Variants in ENDOV observed in about 807,000 individuals in gnomAD.
The protein encoded by ENDOV is endonuclease V.
In ENDOV, 37 loss-of-function variants were observed where a neutral mutation model predicts 39.4. The ratio of observed to expected loss-of-function variants is 0.94; its 90% CI spans 0.72 to 1.23. The LOEUF is 1.23. Ranked by LOEUF, ENDOV falls within the 50% of genes most tolerant of loss-of-function variation. The pLI, the probability that ENDOV is intolerant of heterozygous loss-of-function variation, is 0.00. For synonymous variants in ENDOV, 186 were observed against 163.4 expected (o/e 1.14, Z -1.05); for missense variants, 441 against 375.7 (o/e 1.17, Z -1.44).
chr17:80,437,174 G>C lies in ENDOV; in HGVS notation c.*1031G>C, dbSNP rs2083619446. On this transcript the variant is annotated 3_prime_UTR_variant, in exon 10 of 10. Coordinates refer to ENST00000518137, the MANE Select transcript of ENDOV (RefSeq NM_173627.5). ...TCCTCCTTGACTCTGCAGATGCTGAGCAGTGATCTGGCTGGGAAAGGGGAC... is the reference window on the plus strand; with the variant it reads ...TCCTCCTTGACTCTGCAGATGCTGACCAGTGATCTGGCTGGGAAAGGGGAC... The C allele has an allele frequency of 6.5e-6, 1 of 152,712 alleles. No individual in the cohort carries two copies. The highest frequency in any genetic ancestry group is 1.5e-5 in the Non-Finnish European group (1 of 68,082). The allele number at this position is 152,712 out of a possible 1,614,324, so 9.5% of individuals were successfully genotyped here.
chr17:80,427,980 T>C, intron 7 of ENDOV: 2 of 979,330 alleles, frequency 2.0e-6, no homozygotes, highest in Non-Finnish European at 2.7e-6. Context: ...TCATCTGAGC[T>C]GGGATCAGGG....
At chr17:80,428,357 C>A in intron 7 of ENDOV, 1 of 552,496 alleles carries the variant, frequency 1.8e-6, no homozygotes, top group Non-Finnish European at 3.2e-6. Flanking sequence ...TCAGGCCCTT[C>A]AGGGACTGCC....
chr17:80,427,907 G>T (rs2082921075), intron 7 of ENDOV: 2 of 1,216,932 alleles, frequency 1.6e-6, no homozygotes, highest in Non-Finnish European at 1.1e-6. Flanking sequence ...ATGGAAGCAG[G>T]AGCAGGCTGG....
chr17:80,433,844 T>C (rs1335545302), intron 9 of ENDOV, among the ~76,000 whole-genome samples: 1 of 152,118 alleles, frequency 6.6e-6, no homozygotes, highest in African/African-American at 2.4e-5. Context: ...CATTTTCCCC[T>C]CCCCTTGCAA....
chr17:80,432,871 G>A lies in ENDOV; in HGVS notation c.838+3040G>A, dbSNP rs571066369. On this transcript the variant is annotated intron_variant, in intron 9 of 9. Transcript: ENST00000518137. ...TCCACCTCCCCGAGGGCACTCGTGG[G>A]AAAGGGAAACATGGCACCCAGCTGG... 3.9e-5 allele frequency among the ~76,000 whole-genome samples: 6 copies of A among 152,260 alleles called. No individual in the cohort carries two copies. In the East Asian group the frequency reaches 9.7e-4, roughly 25 times the overall value.
In ENDOV at chr17:80,429,754, T is replaced by C; in HGVS notation, c.780-19T>C. On this transcript the variant is annotated intron_variant, in intron 8 of 9. Transcript: ENST00000518137. Reference sequence around the variant, plus strand: ...GGCGCTAGCATCTGATGCTGTCCCTTTCTCAATGTCATCACCAGGAGCCCG... The same window carrying C: ...GGCGCTAGCATCTGATGCTGTCCCTCTCTCAATGTCATCACCAGGAGCCCG... 6.3e-7 allele frequency: 1 copy of C among 1,593,744 alleles called. No individual in the cohort carries two copies. The highest frequency in any genetic ancestry group is 1.1e-5 in the South Asian group (1 of 88,432).
At chr17:80,435,369 G>A (rs2083536193) in intron 9 of ENDOV, among the ~76,000 whole-genome samples, 1 of 152,186 alleles carries the variant, frequency 6.6e-6, no homozygotes, top group Non-Finnish European at 1.5e-5. Context: ...TTACCTTTAA[G>A]TCTTTGATCC....
At chr17:80,418,334 C>G (rs979648508) in intron 2 of ENDOV, 2 of 152,248 alleles carry the variant, frequency 1.3e-5, no homozygotes, top group African/African-American at 4.8e-5. Flanking sequence ...GCAAATTAAT[C>G]ACCTCATCTG....
In ENDOV at chr17:80,425,563, C is replaced by T. The variant is rs766970837; in HGVS notation, c.657C>T (p.Ala219=). 3.6e-5 allele frequency: 58 copies of T among 1,592,312 alleles called. No homozygotes were observed. The highest frequency in any genetic ancestry group is 3.4e-4 in the South Asian group (30 of 87,758). The change falls in exon 7 of 10, where the codon GCC becomes GCT. Residue 219 remains alanine (A), a synonymous_variant. Coordinates refer to ENST00000518137, the MANE Select transcript of ENDOV (RefSeq NM_173627.5). ...ISVGHRMSLE[A]AVRLTCCCCR... ...TGGGCCACAGGATGAGCCTGGAGGC[C>T]GCTGTGCGCCTGACTTGCTGCTGCT...
intron 2 of ENDOV, chr17:80,417,182 G>A (rs2081327412): frequency 6.6e-6 from 1 of 152,262 alleles, no homozygotes; most frequent in African/African-American, 2.4e-5. Flanking sequence ...GACGCTGGAG[G>A]CTCAGCCCTC....
intron 9 of ENDOV, among the ~76,000 whole-genome samples, chr17:80,435,771 C>G (rs531321973): frequency 6.6e-6 from 1 of 150,502 alleles, no homozygotes; most frequent in African/African-American, 2.4e-5. Flanking sequence ...CCCGCCACCA[C>G]GCCCAGCTAA....
chr17:80,425,540 G>T lies in ENDOV; in HGVS notation c.634G>T (p.Gly212Cys). Residue 212 changes from glycine (G) to cysteine (C), a missense_variant, in exon 7 of 10, where the codon GGC (glycine) becomes TGC (cysteine). By Grantham distance (159) the Gly-to-Cys change is radical. Coordinates refer to ENST00000518137, the MANE Select transcript of ENDOV (RefSeq NM_173627.5). Reference sequence around the variant, plus strand: ...CACCAGGCCCCTCTACATCTCCGTGGGCCACAGGATGAGCCTGGAGGCCGC... The same window carrying T: ...CACCAGGCCCCTCTACATCTCCGTGTGCCACAGGATGAGCCTGGAGGCCGC... ...RSTRPLYISV[G>C]HRMSLEAAVR... is the part of the protein sequence containing the mutation. 1 of 1,596,108 alleles carries T rather than the reference G, an allele frequency of 6.3e-7. No homozygotes were observed. The highest frequency in any genetic ancestry group is 8.5e-7 in the Non-Finnish European group (1 of 1,174,716).
intron 9 of ENDOV, chr17:80,430,117 G>A: frequency 2.0e-6 from 3 of 1,531,402 alleles, no homozygotes; most frequent in Non-Finnish European, 1.7e-6. Flanking sequence ...AGCACCAGGT[G>A]GGGCAGAGGT....
intron 2 of ENDOV, chr17:80,420,665 A>G (rs1431366830): frequency 6.6e-6 from 1 of 152,304 alleles, no homozygotes; most frequent in Admixed American, 6.5e-5. Flanking sequence ...GAATGTGGAC[A>G]TAGTGGGAAA....
Position 80,428,649 on chromosome 17 carries a change from AC to A in ENDOV, c.771del (p.Thr258HisfsTer44). On this transcript the variant is annotated frameshift_variant, in exon 8 of 10. Transcript: ENST00000518137. LOFTEE classifies it high-confidence loss of function. ...GCAAGTCGCTGGGACTCCCCGGGCC[AC>A]CCACACCGAGGTGAGCACCCAGGGA... ...IRKSLGLPGP[P>X]TPRSPKAQRP... The A allele has an allele frequency of 6.3e-7, 1 of 1,580,866 alleles. No homozygotes were observed.
chr17:80,416,107 T>G (rs1417319550), intron 2 of ENDOV: 3 of 299,858 alleles, frequency 1.0e-5, no homozygotes, highest in African/African-American at 6.9e-5. Flanking sequence ...TGTGGTGGCA[T>G]ATACCTGTAA....
At chr17:80,429,473 G>A (rs143874061) in intron 8 of ENDOV, among the ~76,000 whole-genome samples, 91 of 152,334 alleles carry the variant, frequency 6.0e-4, no homozygotes, top group African/African-American at 2.2e-3. Flanking sequence ...GAAGGGCTGC[G>A]GTTCCTTCGT....
chr17:80,422,232 A>G lies in ENDOV; in HGVS notation c.390A>G (p.Val130=), dbSNP rs1427424062. 1.9e-6 allele frequency: 3 copies of G among 1,612,544 alleles called. No individual in the cohort carries two copies. The highest frequency in any genetic ancestry group is 2.5e-6 in the Non-Finnish European group (3 of 1,179,522). The change falls in exon 4 of 10, where the codon GTA becomes GTG. Residue 130 remains valine, a synonymous_variant. Coordinates refer to ENST00000518137, the MANE Select transcript of ENDOV (RefSeq NM_173627.5). The stretch of plus-strand genomic sequence containing the variant: ...TCCTTCTTGTGGATGGAAACGGGGT[A>G]CTCCACCACCGAGGTAATCCTGCTC... ...PQVLLVDGNG[V]LHHRGFGVAC... is the part of the protein sequence containing the mutation.
At chr17:80,427,618 G>T (rs1243349774) in intron 7 of ENDOV, 3 of 1,165,572 alleles carry the variant, frequency 2.6e-6, no homozygotes, top group East Asian at 6.7e-5. Context: ...TGCAGGGCTG[G>T]CTCTGTCTCT....
Sources: gnomAD v4.1 joint callset for allele counts (sites outside exome capture counted in the v4.1 genomes callset) on GRCh38, gnomAD v4.1.1 for gene constraint, MANE v1.5 for transcripts, NCBI Gene and HGNC (gene_info 2026-07-23, HGNC 2026-07-21) for gene names.